Variants in PARD3B observed in about 807,000 individuals in gnomAD.
PARD3B encodes the protein partitioning defective 3 homolog B.
PARD3B carries 103 observed loss-of-function variants against 130.2 expected under a neutral mutation model. The ratio of observed to expected loss-of-function variants is 0.79; its 90% CI spans 0.67 to 0.93. The LOEUF (loss-of-function observed/expected upper bound fraction) is 0.93, where lower values mean the gene tolerates loss of function less well. Among genes scored for constraint, PARD3B ranks in the 40% least tolerant of loss-of-function variants. PARD3B has a pLI of 0.00. For missense variants in PARD3B, 1,609 were observed against 1,499.2 expected, an observed-to-expected ratio of 1.07 and a Z score of -1.21; for synonymous variants, 583 against 553.2, an observed-to-expected ratio of 1.05 and a Z score of -0.76.
intron 2 of PARD3B, among the ~76,000 whole-genome samples, chr2:204,892,049 C>A (rs1183344376): frequency 6.6e-6 from 1 of 151,990 alleles, no homozygotes; most frequent in Admixed American, 6.6e-5. Flanking sequence ...GGGAGAGAGA[C>A]AATATAACAT....
At chr2:205,495,051 C>T (rs1427502082) in intron 20 of PARD3B, among the ~76,000 whole-genome samples, 1 of 152,082 alleles carries the variant, frequency 6.6e-6, no homozygotes, top group Admixed American at 6.6e-5. Flanking sequence ...TTAAAAAGTA[C>T]TACAGTTGAG....
rs1559397734 is a variant in PARD3B, at chr2:205,057,664, TACATATATGTGTATGTGTATACGTAC to T, written c.504+9976_504+10001del. Among the ~76,000 whole-genome samples, 88 of 146,884 alleles carry T rather than the reference TACATATATGTGTATGTGTATACGTAC, an allele frequency of 6.0e-4. 4 individuals carry two copies. The highest frequency in any genetic ancestry group is 3.8e-3 in the Middle Eastern group (1 of 262). On this transcript the variant is annotated intron_variant, in intron 4 of 22. Transcript: ENST00000406610. ...ATATGTGTATGTGTATACGTACATATACATATATGTGTATGTGTATACGTACATATACATATATGTGTATGTGTATA... is the reference window on the plus strand; with the variant it reads ...ATATGTGTATGTGTATACGTACATATATATACATATATGTGTATGTGTATA...
At chr2:205,000,525 A>G (rs1019389718) in intron 3 of PARD3B, among the ~76,000 whole-genome samples, 17 of 152,198 alleles carry the variant, frequency 1.1e-4, no homozygotes, top group African/African-American at 4.1e-4. Context: ...CATTTTCCCA[A>G]TGAGAATACA....
intron 4 of PARD3B, among the ~76,000 whole-genome samples, chr2:205,100,997 C>G (rs979656880): frequency 6.6e-6 from 1 of 151,970 alleles, no homozygotes; most frequent in Admixed American, 6.6e-5. Flanking sequence ...CATTGGACTT[C>G]GTTAACATAA....
chr2:205,425,645 C>T (rs746647569), intron 19 of PARD3B, among the ~76,000 whole-genome samples: 3 of 152,124 alleles, frequency 2.0e-5, no homozygotes, highest in East Asian at 1.9e-4. Flanking sequence ...GGTCATCCCA[C>T]CTAGACAAAG....
rs1001840062 is a variant in PARD3B, at chr2:205,525,183, T to TCCTACATG, written c.3180+25153_3180+25160dup. Among the ~76,000 whole-genome samples, 2 of 152,122 alleles carry TCCTACATG rather than the reference T, an allele frequency of 1.3e-5. No homozygotes were observed. Among genetic ancestry groups the TCCTACATG allele is most frequent in the Non-Finnish European group, 2.9e-5 (2 of 68,006 alleles). The stretch of plus-strand genomic sequence containing the variant: ...GGAAAATACTAGGGCTTTTTTCCCC[T>TCCTACATG]CCTACATGGTTAACTCCTAATTTTC... On this transcript the variant is annotated intron_variant, in intron 21 of 22. Transcript: ENST00000406610. The surrounding 1 kb of genome is among the most constrained non-coding windows in gnomAD (Gnocchi z 4.2).
intron 20 of PARD3B, among the ~76,000 whole-genome samples, chr2:205,457,192 A>T (rs894786169): frequency 6.6e-6 from 1 of 151,920 alleles, no homozygotes; most frequent in Non-Finnish European, 1.5e-5. Flanking sequence ...TTCAAATTAT[A>T]TCATGTTGTA....
intron 10 of PARD3B, among the ~76,000 whole-genome samples, chr2:205,127,266 C>A (rs1425802437): frequency 7.5e-6 from 1 of 134,172 alleles, no homozygotes; most frequent in Admixed American, 8.2e-5. Context: ...GAGTGCGCTC[C>A]AGCCTGGGCA....
chr2:205,322,214 T>A (rs1307207264), intron 18 of PARD3B, among the ~76,000 whole-genome samples: 1 of 152,208 alleles, frequency 6.6e-6, no homozygotes, highest in Non-Finnish European at 1.5e-5. Flanking sequence ...ATTATGAAAG[T>A]TATAGTGGAT....
At chr2:205,485,591 A>C (rs1490908706) in intron 20 of PARD3B, among the ~76,000 whole-genome samples, 1 of 152,166 alleles carries the variant, frequency 6.6e-6, no homozygotes, top group Non-Finnish European at 1.5e-5. Flanking sequence ...AGTTCTCTTG[A>C]TATGAAGCAG....
intron 2 of PARD3B, among the ~76,000 whole-genome samples, chr2:204,821,632 A>G (rs2043359255): frequency 1.3e-5 from 2 of 152,002 alleles, no homozygotes; most frequent in Admixed American, 1.3e-4. Flanking sequence ...AGCATGGCAC[A>G]TGTATACATA....
chr2:205,184,566 C>A (rs2035983734), intron 13 of PARD3B, among the ~76,000 whole-genome samples: 1 of 151,950 alleles, frequency 6.6e-6, no homozygotes, highest in Non-Finnish European at 1.5e-5. Context: ...CACGGTGAAA[C>A]CCCATCTCTA....
At chr2:204,667,555 A>G (rs1387546540) in intron 1 of PARD3B, among the ~76,000 whole-genome samples, 1 of 152,096 alleles carries the variant, frequency 6.6e-6, no homozygotes, top group Admixed American at 6.6e-5. Context: ...GCAAATACTG[A>G]ACTTGACTCA....
At chr2:204,646,367 T>C (rs1467520573) in intron 1 of PARD3B, among the ~76,000 whole-genome samples, 13 of 152,102 alleles carry the variant, frequency 8.5e-5, no homozygotes, top group Non-Finnish European at 1.9e-4. Flanking sequence ...TTTTCGTGTT[T>C]TTTGAACTGT....
Position 205,473,269 on chromosome 2 carries a change from C to A in PARD3B, c.3045-26627C>A, listed in dbSNP as rs530801602. ...CTGATTTCATAAATTTAGCATATTA[C>A]GCATTGCAGCATTCTGCCTTTCATA... On this transcript the variant is annotated intron_variant, in intron 20 of 22. Coordinates refer to ENST00000406610, the MANE Select transcript of PARD3B (RefSeq NM_001302769.2). The surrounding 1 kb of genome is among the most constrained non-coding windows in gnomAD (Gnocchi z 4.9). 1.3e-5 allele frequency among the ~76,000 whole-genome samples: 2 copies of A among 152,050 alleles called. No individual in the cohort carries two copies. The highest frequency in any genetic ancestry group is 2.9e-5 in the Non-Finnish European group (2 of 67,984).
At chr2:205,578,526 C>A (rs535535220) in intron 22 of PARD3B, among the ~76,000 whole-genome samples, 2 of 152,236 alleles carry the variant, frequency 1.3e-5, no homozygotes, top group African/African-American at 4.8e-5. Context: ...GAAGGTATAT[C>A]TACTATGAAA....
intron 20 of PARD3B, among the ~76,000 whole-genome samples, chr2:205,443,739 GA>G (rs2047806945): frequency 6.6e-6 from 1 of 152,174 alleles, no homozygotes; most frequent in Non-Finnish European, 1.5e-5. Flanking sequence ...GGGTGGGAAG[GA>G]AAGTGATAGG....
chr2:204,546,319 T>A, intron 1 of PARD3B, 200 bp downstream of exon 1: 1 of 745,772 alleles, frequency 1.3e-6, no homozygotes, highest in Non-Finnish European at 2.1e-6. Context: ...GGGTCGTGAG[T>A]GGACCTGCAG....
At chr2:204,653,488 T>A (rs1574624915) in intron 1 of PARD3B, among the ~76,000 whole-genome samples, 1 of 150,674 alleles carries the variant, frequency 6.6e-6, no homozygotes, top group East Asian at 1.9e-4. Flanking sequence ...TTTAGGTCAG[T>A]CTTAAAAAAA....
Sources: gnomAD v4.1 joint callset for allele counts (sites outside exome capture counted in the v4.1 genomes callset) on GRCh38, gnomAD v4.1.1 for gene constraint, Gnocchi (gnomAD v3.1) non-coding constraint, MANE v1.5 for transcripts, NCBI Gene and HGNC (gene_info 2026-07-23, HGNC 2026-07-21) for gene names.